WWP1: variants seen among roughly 807,000 people sequenced by gnomAD.
WWP1 encodes the protein NEDD4-like E3 ubiquitin-protein ligase WWP1.
WWP1 carries 49 observed loss-of-function variants against 130.6 expected under a neutral mutation model. The ratio of observed to expected loss-of-function variants is 0.38; its 90% confidence interval spans 0.30 to 0.48. The LOEUF (loss-of-function observed/expected upper bound fraction) is 0.48, where lower values mean the gene tolerates loss of function less well. Among genes scored for constraint, WWP1 ranks in the 20% least tolerant of loss-of-function variants. The pLI is 0.99. For synonymous variants in WWP1, 332 were observed against 367.8 expected, an observed-to-expected ratio of 0.90 and a Z score of 1.11; for missense variants, 809 against 1,100.6, an observed-to-expected ratio of 0.74 and a Z score of 3.75.
In WWP1 at chr8:86,423,830, G is replaced by C. The variant is rs531423234; in HGVS notation, c.1062-1393G>C. On this transcript the variant is annotated intron_variant, in intron 9 of 24. Coordinates refer to ENST00000517970, the MANE Select transcript of WWP1 (RefSeq NM_007013.4). ...AGAGGCGCCCCCCCCCCACCTCCCG[G>C]ACGGGGCGGCGGCTGGGCAGAGGCG... is the stretch of plus-strand genomic sequence containing the variant. Among the ~76,000 whole-genome samples, 44 of 136,646 alleles carry C rather than the reference G, an allele frequency of 3.2e-4. 1 individual carries two copies. In the South Asian group the frequency reaches 0.01, roughly 32 times the overall value. The allele number at this position is 136,646 out of a possible 152,430, so 89.6% of individuals were successfully genotyped here.
chr8:86,439,254 A>T (rs1344886030), intron 17 of WWP1, among the ~76,000 whole-genome samples: 1 of 151,952 alleles, frequency 6.6e-6, no homozygotes, highest in African/African-American at 2.4e-5. Flanking sequence ...AAGGCAGGAG[A>T]ATGGTGTGAA....
Position 86,381,744 on chromosome 8 carries a change from T to C in WWP1, c.334+115T>C, listed in dbSNP as rs963644989. ...TTGTATCCATAAAGAACTTCAGTTA[T>C]TGCTTGTGATTGATTAACTTTGTGG... On this transcript the variant is annotated intron_variant, in intron 5 of 24. Coordinates refer to ENST00000517970, the MANE Select transcript of WWP1 (RefSeq NM_007013.4). 3.0e-6 allele frequency: 3 copies of C among 1,013,130 alleles called. No individual in the cohort carries two copies. In the African/African-American group the frequency reaches 5.1e-5, roughly 17 times the overall value. 62.8% of individuals were successfully genotyped at this position (1,013,130 alleles called of 1,614,324 possible).
At chr8:86,347,882 T>C (rs1035886645) in intron 1 of WWP1, among the ~76,000 whole-genome samples, 11 of 152,188 alleles carry the variant, frequency 7.2e-5, no homozygotes, top group African/African-American at 2.7e-4. Flanking sequence ...AAGTTTGAAA[T>C]GCTCCAAAAT....
At chr8:86,388,391 G>A (rs879371033) in intron 5 of WWP1, among the ~76,000 whole-genome samples, 62 of 151,904 alleles carry the variant, frequency 4.1e-4, no homozygotes, top group African/African-American at 1.3e-3. Flanking sequence ...AGGCCACTAC[G>A]CTTGGCTAGG....
chr8:86,407,393 A>C lies in WWP1; in HGVS notation c.725-4145A>C, dbSNP rs142460291. On this transcript the variant is annotated intron_variant, in intron 8 of 24. Transcript: ENST00000517970. ...GTTTCTCAATTTCAGCACTGTTGAC[A>C]TATTGGCCCAGGTAATTCTTTGTTG... is the stretch of plus-strand genomic sequence containing the variant. Among the ~76,000 whole-genome samples, 22 of 152,320 alleles carry C rather than the reference A, an allele frequency of 1.4e-4. 1 individual carries two copies. The highest frequency in any genetic ancestry group is 3.6e-4 in the African/African-American group (15 of 41,566).
Position 86,452,556 on chromosome 8 carries a change from C to T in WWP1, c.2274-3C>T, listed in dbSNP as rs781170743. ...TATTTTTAAATACCATCTTTATTTTCAGTTTAATGACAGAATGGCGTTTTT... is the reference window on the plus strand; with the variant it reads ...TATTTTTAAATACCATCTTTATTTTTAGTTTAATGACAGAATGGCGTTTTT... On this transcript the variant is annotated splice_polypyrimidine_tract_variant and splice_region_variant and intron_variant, in intron 20 of 24. Coordinates refer to ENST00000517970, the MANE Select transcript of WWP1 (RefSeq NM_007013.4). 4.4e-6 allele frequency: 7 copies of T among 1,591,370 alleles called. No individual in the cohort carries two copies. In the South Asian group the frequency reaches 8.1e-5, roughly 18 times the overall value.
At position 86,423,635 on chromosome 8, in the gene WWP1, C is replaced by T. The variant is rs544206946; in HGVS notation, c.1062-1588C>T. ...CTATGTCTACTTCTTTCTACACAGACACAGCAACAATCTGATTTCTCTATC... is the reference window on the plus strand; with the variant it reads ...CTATGTCTACTTCTTTCTACACAGATACAGCAACAATCTGATTTCTCTATC... On this transcript the variant is annotated intron_variant, in intron 9 of 24. Coordinates refer to ENST00000517970, the MANE Select transcript of WWP1 (RefSeq NM_007013.4). Among the ~76,000 whole-genome samples the T allele has an allele frequency of 9.2e-5, 14 of 152,330 alleles. 1 individual carries two copies. In the South Asian group the frequency reaches 2.7e-3, roughly 29 times the overall value.
chr8:86,397,818 T>A (rs1393051072), intron 5 of WWP1, among the ~76,000 whole-genome samples: 1 of 152,206 alleles, frequency 6.6e-6, no homozygotes, highest in African/African-American at 2.4e-5. Context: ...CGAGCACTTA[T>A]AAACTGTGCC....
intron 16 of WWP1, among the ~76,000 whole-genome samples, chr8:86,437,437 T>A (rs897464081): frequency 4.6e-5 from 7 of 152,246 alleles, no homozygotes; most frequent in Non-Finnish European, 1.0e-4. Context: ...TGCCTCTAAG[T>A]ACTGCTAGTC....
chr8:86,374,728 G>A (rs1287120139), intron 3 of WWP1, among the ~76,000 whole-genome samples: 1 of 148,878 alleles, frequency 6.7e-6, no homozygotes, highest in African/African-American at 2.5e-5. Flanking sequence ...TTTTTCTTTT[G>A]AGATAGGGTC....
intron 2 of WWP1, among the ~76,000 whole-genome samples, chr8:86,371,056 T>TGG (rs2130291282): frequency 6.7e-6 from 1 of 149,536 alleles, no homozygotes; most frequent in African/African-American, 2.4e-5. Context: ...TTTTTTTTTT[T>TGG]TGGTAGAGGC....
chr8:86,420,119 C>A (rs910308124), intron 9 of WWP1, among the ~76,000 whole-genome samples: 4 of 152,056 alleles, frequency 2.6e-5, no homozygotes, highest in African/African-American at 9.7e-5. Context: ...AAGTAAAAGA[C>A]GTTGGAGGCA....
intron 1 of WWP1, among the ~76,000 whole-genome samples, chr8:86,364,733 T>C (rs909047879): frequency 6.6e-6 from 1 of 150,936 alleles, no homozygotes; most frequent in African/African-American, 2.4e-5. Flanking sequence ...AGGAGTCCAA[T>C]AGTTAGACCC....
At chr8:86,348,505 A>AC (rs1250795144) in intron 1 of WWP1, among the ~76,000 whole-genome samples, 1 of 152,212 alleles carries the variant, frequency 6.6e-6, no homozygotes, top group African/African-American at 2.4e-5. Flanking sequence ...GGCATGAGCC[A>AC]CCACGCCTGG....
chr8:86,457,679 GA>G (rs1374847429), intron 21 of WWP1, among the ~76,000 whole-genome samples: 1 of 152,066 alleles, frequency 6.6e-6, no homozygotes, highest in Non-Finnish European at 1.5e-5. Flanking sequence ...TTTTCTTGAA[GA>G]ATACTCTAAA....
intron 3 of WWP1, among the ~76,000 whole-genome samples, chr8:86,379,544 G>C (rs940365089): frequency 1.3e-5 from 2 of 152,018 alleles, no homozygotes; most frequent in African/African-American, 4.8e-5. Context: ...GATTATAGAG[G>C]TGATCTTGAT....
intron 18 of WWP1, among the ~76,000 whole-genome samples, chr8:86,446,100 A>G (rs776510356): frequency 4.1e-4 from 58 of 140,786 alleles, no homozygotes; most frequent in Non-Finnish European, 2.5e-4. Context: ...TCTTGCCTCA[A>G]CCTCCTGAGT....
intron 11 of WWP1, among the ~76,000 whole-genome samples, chr8:86,428,284 C>T (rs944396969): frequency 2.0e-5 from 3 of 152,052 alleles, no homozygotes; most frequent in African/African-American, 7.2e-5. Flanking sequence ...TTCTAGAACT[C>T]GAAAGTTTTA....
chr8:86,345,319 T>C (rs146099145), intron 1 of WWP1, among the ~76,000 whole-genome samples: 255 of 152,292 alleles, frequency 1.7e-3, no homozygotes, highest in Middle Eastern at 6.8e-3. Context: ...AAAATTTCCA[T>C]ATGCGCCTAT....
Sources: gnomAD v4.1 joint callset for allele counts (sites outside exome capture counted in the v4.1 genomes callset) on GRCh38, gnomAD v4.1.1 for gene constraint, MANE v1.5 for transcripts, NCBI Gene and HGNC (gene_info 2026-07-23, HGNC 2026-07-21) for gene names.